TRIM67: variants seen among roughly 807,000 people sequenced by gnomAD.
TRIM67 encodes tripartite motif-containing protein 67.
In TRIM67, 39 loss-of-function variants were observed where a neutral mutation model predicts 71.0. The observed-to-expected ratio is 0.55, with a 90% CI of 0.43 to 0.72. TRIM67 has a LOEUF of 0.72. TRIM67 is among the 30% of genes least tolerant of loss of function. TRIM67 has a pLI of 0.00. For missense variants in TRIM67, 973 were observed against 1,079.2 expected, an observed-to-expected ratio of 0.90 and a Z score of 1.38; for synonymous variants, 481 against 473.9, an observed-to-expected ratio of 1.01 and a Z score of -0.19.
chr1:231,202,674 G>T (rs899985454), intron 5 of TRIM67, among the ~76,000 whole-genome samples: 1 of 152,106 alleles, frequency 6.6e-6, no homozygotes, highest in Admixed American at 6.5e-5. Context: ...ATAATTTGTG[G>T]CCATTTTAAA....
rs140506581 is a variant in TRIM67, at chr1:231,184,498, T to G, written c.1045-12873T>G. 901 of 155,246 alleles carry G rather than the reference T, an allele frequency of 5.8e-3. 6 individuals carry two copies. Among genetic ancestry groups the G allele is most frequent in the Non-Finnish European group, 8.9e-3 (625 of 70,256 alleles). The allele number at this position is 155,246 out of a possible 1,614,324, so 9.6% of individuals were successfully genotyped here. A position where few individuals can be genotyped will look rare whatever the true frequency, so the allele number is the denominator to read the frequency against. On this transcript the variant is annotated intron_variant, in intron 1 of 9. Coordinates refer to ENST00000366653, the MANE Select transcript of TRIM67 (RefSeq NM_001004342.5). ...GCGCCACTCAGAATTCAGACCCGGA[T>G]AGCCCCTCAGGATCCATCTCGAAGG...
intron 1 of TRIM67, among the ~76,000 whole-genome samples, chr1:231,190,631 G>T (rs1683206246): frequency 6.6e-6 from 1 of 152,142 alleles, no homozygotes; most frequent in Non-Finnish European, 1.5e-5. Context: ...TCCCTAAGTG[G>T]ACATCTACCC....
chr1:231,219,265 T>A lies in TRIM67; in HGVS notation c.*3825T>A. The A allele has an allele frequency of 1.0e-6, 1 of 979,662 alleles. No homozygotes were observed. Among genetic ancestry groups the A allele is most frequent in the African/African-American group, 1.7e-5 (1 of 57,246 alleles). The allele number at this position is 979,662 out of a possible 1,614,324, so 60.7% of individuals were successfully genotyped here. ...ACATCCCTGGTCTCTACCCATCATCTGCCAGTAGCAACCCCCAAGTTAGGT... is the reference window on the plus strand; with the variant it reads ...ACATCCCTGGTCTCTACCCATCATCAGCCAGTAGCAACCCCCAAGTTAGGT... On this transcript the variant is annotated 3_prime_UTR_variant, in exon 10 of 10. Transcript: ENST00000366653.
rs1017330904 is a variant in TRIM67, at chr1:231,206,892, G to C, written c.1819+102G>C. On this transcript the variant is annotated intron_variant, in intron 7 of 9. Coordinates refer to ENST00000366653, the MANE Select transcript of TRIM67 (RefSeq NM_001004342.5). Reference sequence around the variant, plus strand: ...AGCTATGATGATGGGGTAGGGGTGGGGGGTGGTGCTGGGCACGGCTGGGTT... The same window carrying C: ...AGCTATGATGATGGGGTAGGGGTGGCGGGTGGTGCTGGGCACGGCTGGGTT... 6.1e-6 allele frequency: 8 copies of C among 1,320,066 alleles called. No homozygotes were observed. The African/African-American group carries it at 1.2e-4, about 20-fold the overall frequency. The allele number at this position is 1,320,066 out of a possible 1,614,324, so 81.8% of individuals were successfully genotyped here.
In TRIM67 at chr1:231,187,557, C is replaced by T. The variant is rs1323756192; in HGVS notation, c.1045-9814C>T. 5 of 1,532,908 alleles carry T rather than the reference C, an allele frequency of 3.3e-6. No individual in the cohort carries two copies. The African/African-American group carries it at 5.5e-5, about 17-fold the overall frequency. 95.0% of individuals were successfully genotyped at this position (1,532,908 alleles called of 1,614,324 possible). A position where few individuals can be genotyped will look rare whatever the true frequency, so the allele number is the denominator to read the frequency against. On this transcript the variant is annotated intron_variant, in intron 1 of 9. Transcript: ENST00000366653. ...CAGATAAAAAGGTGAGAGAAATCCC[C>T]TGTGGTCCATTTCACAACCTCCTTT...
intron 8 of TRIM67, among the ~76,000 whole-genome samples, chr1:231,211,050 A>ATATT (rs1553328757): frequency 0.02 from 2,771 of 135,474 alleles, 38 homozygotes; most frequent in Non-Finnish European, 0.028. Flanking sequence ...ATATATATAT[A>ATATT]TTTTGTTTGT....
intron 1 of TRIM67, among the ~76,000 whole-genome samples, chr1:231,191,641 G>A (rs1207187207): frequency 6.6e-6 from 1 of 152,176 alleles, no homozygotes; most frequent in Non-Finnish European, 1.5e-5. Context: ...AGTGGCGGCA[G>A]TTAACCTAGA....
intron 1 of TRIM67, among the ~76,000 whole-genome samples, chr1:231,170,482 T>C (rs759593946): frequency 1.8e-4 from 27 of 152,236 alleles, no homozygotes; most frequent in Non-Finnish European, 2.6e-4. Flanking sequence ...CTGTCACTAT[T>C]CATGAATATA....
In TRIM67 at chr1:231,216,192, T is replaced by C. The variant is rs1429516806; in HGVS notation, c.*752T>C. Reference sequence around the variant, plus strand: ...TCTCTCTCTCCTTCCTTCCCTCCTTTGCTCTCTCTTTCTTCCTTTCCTCCT... The same window carrying C: ...TCTCTCTCTCCTTCCTTCCCTCCTTCGCTCTCTCTTTCTTCCTTTCCTCCT... On this transcript the variant is annotated 3_prime_UTR_variant, in exon 10 of 10. Coordinates refer to ENST00000366653, the MANE Select transcript of TRIM67 (RefSeq NM_001004342.5). The C allele has an allele frequency of 1.0e-6, 1 of 952,950 alleles. No individual in the cohort carries two copies. 59.0% of individuals were successfully genotyped at this position (952,950 alleles called of 1,614,324 possible).
chr1:231,182,288 G>A (rs12562689), intron 1 of TRIM67, among the ~76,000 whole-genome samples: 1 of 152,160 alleles, frequency 6.6e-6, no homozygotes, highest in South Asian at 2.1e-4. Context: ...GCACAATTTA[G>A]TGAAGGAAGA....
intron 1 of TRIM67, among the ~76,000 whole-genome samples, chr1:231,170,831 CTG>C (rs1682601427): frequency 6.6e-6 from 1 of 152,186 alleles, no homozygotes; most frequent in African/African-American, 2.4e-5. Flanking sequence ...GTCTGTAAAA[CTG>C]AAAGTATTTA....
intron 1 of TRIM67, chr1:231,186,112 A>G: frequency 2.0e-6 from 3 of 1,533,234 alleles, no homozygotes; most frequent in Non-Finnish European, 1.7e-6. Context: ...CGCTTGCTGA[A>G]TGAATACATC....
Position 231,163,785 on chromosome 1 carries a change from G to A in TRIM67, c.816G>A (p.Gln272=), listed in dbSNP as rs1156638561. 7.4e-6 allele frequency: 11 copies of A among 1,490,264 alleles called. No homozygotes were observed. In the East Asian group the frequency reaches 2.2e-4, roughly 30 times the overall value. 92.3% of individuals were successfully genotyped at this position (1,490,264 alleles called of 1,614,324 possible). Residue 272 remains glutamine (Q), a synonymous_variant, in exon 1 of 10, where the codon CAG becomes CAA. Transcript: ENST00000366653. ...EAASGPTGTA[Q]GAPSGGGGCK... ...CCTCCGGGCCCACTGGCACCGCCCA[G>A]GGCGCCCCCAGCGGAGGCGGCGGCT...
At position 231,215,611 on chromosome 1, in the gene TRIM67, T is replaced by C; in HGVS notation, c.*171T>C. ...TTTTCTTGGGGACGCAGGGAATGGG[T>C]CCACGGGCCATGCTCACAGCTGCCA... On this transcript the variant is annotated 3_prime_UTR_variant, in exon 10 of 10. Transcript: ENST00000366653. 1 of 1,389,764 alleles carries C rather than the reference T, an allele frequency of 7.2e-7. No homozygotes were observed. 86.1% of individuals were successfully genotyped at this position (1,389,764 alleles called of 1,614,324 possible).
At position 231,209,470 on chromosome 1, in the gene TRIM67, C is replaced by A. The variant is rs898807148; in HGVS notation, c.2123+220C>A. Among the ~76,000 whole-genome samples the A allele has an allele frequency of 6.6e-6, 1 of 152,226 alleles. No individual in the cohort carries two copies. The highest frequency in any genetic ancestry group is 2.4e-5 in the African/African-American group (1 of 41,462). On this transcript the variant is annotated intron_variant, in intron 8 of 9. Transcript: ENST00000366653. This position sits in a 1 kb window ranked among gnomAD's most constrained non-coding sequence, Gnocchi z 4.1. Reference sequence around the variant, plus strand: ...ATGTTATGGTGACTCTCACAGCACCCGCACAGATGGGTCTCCCAAGTTACC... The same window carrying A: ...ATGTTATGGTGACTCTCACAGCACCAGCACAGATGGGTCTCCCAAGTTACC...
intron 4 of TRIM67, among the ~76,000 whole-genome samples, chr1:231,200,942 G>T (rs1238214413): frequency 3.3e-5 from 5 of 152,076 alleles, no homozygotes; most frequent in Admixed American, 3.3e-4. Flanking sequence ...GGCAGATGTG[G>T]GCTTCAAAAC....
At position 231,176,877 on chromosome 1, in the gene TRIM67, A is replaced by T. The variant is rs141788835; in HGVS notation, c.1044+12864A>T. On this transcript the variant is annotated intron_variant, in intron 1 of 9. Coordinates refer to ENST00000366653, the MANE Select transcript of TRIM67 (RefSeq NM_001004342.5). ...TTGAATTTTCTTGTAAATTTCAGTC[A>T]TTTTACCCTGTTTGCCAATACAATC... Among the ~76,000 whole-genome samples, 25 of 122,342 alleles carry T rather than the reference A, an allele frequency of 2.0e-4. No homozygotes were observed. The Admixed American group carries it at 2.2e-3, about 11-fold the overall frequency. 80.3% of individuals were successfully genotyped at this position (122,342 alleles called of 152,430 possible). A position where few individuals can be genotyped will look rare whatever the true frequency, so the allele number is the denominator to read the frequency against.
In TRIM67 at chr1:231,200,238, G is replaced by A. The variant is rs773812579; in HGVS notation, c.1354G>A (p.Asp452Asn). The change falls in exon 4 of 10, where the codon GAC becomes AAC. Residue 452 changes from aspartate (D) to asparagine (N), a missense_variant. Coordinates refer to ENST00000366653, the MANE Select transcript of TRIM67 (RefSeq NM_001004342.5). ...EYCLEVIKEN[D>N]PSGFLQISDA... ...CTGCCTGGAGGTGATCAAGGAGAACGACCCCTCCGGGTTCTTACAGGTGAG... is the reference window on the plus strand; with the variant it reads ...CTGCCTGGAGGTGATCAAGGAGAACAACCCCTCCGGGTTCTTACAGGTGAG... 2.2e-5 allele frequency: 35 copies of A among 1,613,052 alleles called. No individual in the cohort carries two copies. In the South Asian group the frequency reaches 2.2e-4, roughly 10 times the overall value.
Position 231,162,221 on chromosome 1 carries a change from G to T in TRIM67, c.-749G>T, listed in dbSNP as rs1682304566. On this transcript the variant is annotated 5_prime_UTR_variant, in exon 1 of 10. Coordinates refer to ENST00000366653, the MANE Select transcript of TRIM67 (RefSeq NM_001004342.5). ...GGAGCAGCAGCTGGGAACCAGGGAA[G>T]CGGGTCAATCCCGGCCGCAGGGAGA... The T allele has an allele frequency of 6.6e-6, 1 of 152,284 alleles. No homozygotes were observed. Among genetic ancestry groups the T allele is most frequent in the African/African-American group, 2.4e-5 (1 of 41,456 alleles). 9.4% of individuals were successfully genotyped at this position (152,284 alleles called of 1,614,324 possible). A position where few individuals can be genotyped will look rare whatever the true frequency, so the allele number is the denominator to read the frequency against.
Sources: gnomAD v4.1 joint callset for allele counts (sites outside exome capture counted in the v4.1 genomes callset) on GRCh38, gnomAD v4.1.1 for gene constraint, Gnocchi (gnomAD v3.1) non-coding constraint, MANE v1.5 for transcripts, NCBI Gene and HGNC (gene_info 2026-07-23, HGNC 2026-07-21) for gene names.